The following RGS6 variants were observed in gnomAD, a reference collection of about 807,000 sequenced individuals.
RGS6 encodes regulator of G-protein signaling 6.
Under a neutral mutation model 78.5 loss-of-function variants are expected in RGS6, and 30 were observed. The ratio of observed to expected loss-of-function variants is 0.38; its 90% CI spans 0.29 to 0.52. The LOEUF (loss-of-function observed/expected upper bound fraction) is 0.52, where lower values mean the gene tolerates loss of function less well. Among genes scored for constraint, RGS6 ranks in the 20% least tolerant of loss-of-function variants. The probability of loss-of-function intolerance (pLI) is 0.85; values close to 1 mark genes in which losing one functional copy is unlikely to be tolerated. For missense variants in RGS6, 495 were observed against 609.7 expected (o/e 0.81, Z 1.98); for synonymous variants, 206 against 206.0 (o/e 1.00, Z 0.00).
chr14:72,124,078 G>A (rs2096125672), intron 2 of RGS6, among the ~76,000 whole-genome samples: 1 of 152,202 alleles, frequency 6.6e-6, no homozygotes, highest in Non-Finnish European at 1.5e-5. Context: ...ATCTGAAATG[G>A]AAGGTAGGTG....
At chr14:72,304,767 C>G (rs1169813687) in intron 2 of RGS6, among the ~76,000 whole-genome samples, 1 of 152,000 alleles carries the variant, frequency 6.6e-6, no homozygotes, top group African/African-American at 2.4e-5. Flanking sequence ...TGGTCCCAGG[C>G]TACTCGGGAG....
At chr14:72,146,101 C>T (rs2096603628) in intron 2 of RGS6, among the ~76,000 whole-genome samples, 1 of 152,076 alleles carries the variant, frequency 6.6e-6, no homozygotes, top group Non-Finnish European at 1.5e-5. Flanking sequence ...TGGTGGAGGG[C>T]AGGAAAGCAA....
chr14:72,252,714 G>C (rs2056107020), intron 2 of RGS6, among the ~76,000 whole-genome samples: 1 of 152,180 alleles, frequency 6.6e-6, no homozygotes, highest in African/African-American at 2.4e-5. Context: ...TAGGGCAATA[G>C]TCATGATGGG....
chr14:71,995,802 C>T (rs1413704857), intron 2 of RGS6, among the ~76,000 whole-genome samples: 2 of 152,182 alleles, frequency 1.3e-5, no homozygotes, highest in East Asian at 1.9e-4. Flanking sequence ...ACTCTCCATC[C>T]CCCACCAGCT....
At chr14:72,554,902 C>G (rs1057300222) in intron 17 of RGS6, among the ~76,000 whole-genome samples, 3 of 152,240 alleles carry the variant, frequency 2.0e-5, no homozygotes, top group Non-Finnish European at 4.4e-5. Context: ...GTCCTTGTCT[C>G]TCCCACCATC....
chr14:72,394,331 T>A (rs922985550), intron 3 of RGS6, among the ~76,000 whole-genome samples: 1 of 152,042 alleles, frequency 6.6e-6, no homozygotes, highest in Non-Finnish European at 1.5e-5. Context: ...GTCACAGAGA[T>A]CACATGCTTC....
intron 1 of RGS6, among the ~76,000 whole-genome samples, chr14:71,949,261 C>A (rs1001575511): frequency 1.3e-5 from 2 of 152,264 alleles, no homozygotes; most frequent in South Asian, 4.2e-4. Context: ...TCTTAAGTGG[C>A]TGCACCAATT....
At chr14:72,437,275 G>A (rs1416238021) in intron 3 of RGS6, among the ~76,000 whole-genome samples, 1 of 149,788 alleles carries the variant, frequency 6.7e-6, no homozygotes, top group Non-Finnish European at 1.5e-5. Context: ...CAGGAGGCGG[G>A]GGTTGCAGTG....
At chr14:72,195,488 C>T (rs2039868100) in intron 2 of RGS6, among the ~76,000 whole-genome samples, 1 of 152,022 alleles carries the variant, frequency 6.6e-6, no homozygotes, top group Non-Finnish European at 1.5e-5. Flanking sequence ...AAAAGAGGGC[C>T]CAGGGCCAGG....
rs963762981 is a variant in RGS6, at chr14:72,130,313, A to G, written c.84+165438A>G. Among the ~76,000 whole-genome samples, 5 of 152,318 alleles carry G rather than the reference A, an allele frequency of 3.3e-5. No individual in the cohort carries two copies. In the Middle Eastern group the frequency reaches 0.014, roughly 414 times the overall value. Reference sequence around the variant, plus strand: ...GAAAGTTCCTGAACCCCATTGTTCAAGAGTGAACAATGCAGGCTTCATTGC... The same window carrying G: ...GAAAGTTCCTGAACCCCATTGTTCAGGAGTGAACAATGCAGGCTTCATTGC... On this transcript the variant is annotated intron_variant, in intron 2 of 17. Transcript: ENST00000553525.
chr14:72,235,640 A>T (rs1213844660), intron 2 of RGS6, among the ~76,000 whole-genome samples: 1 of 152,224 alleles, frequency 6.6e-6, no homozygotes, highest in South Asian at 2.1e-4. Context: ...TCTAAGAGAA[A>T]ATAAGTTGCT....
chr14:71,896,924 G>T, the RGS6 span, among the ~76,000 whole-genome samples: 1 of 152,174 alleles, frequency 6.6e-6, no homozygotes, highest in Non-Finnish European at 1.5e-5. Context: ...ATCAGAAAGA[G>T]GCTATCTTCT....
chr14:72,503,697 A>G (rs2096759871), intron 13 of RGS6, among the ~76,000 whole-genome samples: 1 of 152,258 alleles, frequency 6.6e-6, no homozygotes, highest in Admixed American at 6.5e-5. Context: ...CTTTGGCTCA[A>G]TGCTCTGTCT....
At chr14:72,134,257 C>T (rs1051606531) in intron 2 of RGS6, among the ~76,000 whole-genome samples, 1 of 152,110 alleles carries the variant, frequency 6.6e-6, no homozygotes, top group African/African-American at 2.4e-5. Flanking sequence ...AGAGGTATTC[C>T]TATATACACA....
chr14:71,943,595 G>A (rs1484247903), intron 1 of RGS6, among the ~76,000 whole-genome samples: 1 of 152,180 alleles, frequency 6.6e-6, no homozygotes, highest in Non-Finnish European at 1.5e-5. Flanking sequence ...CTAAGTGGGA[G>A]AAGGCAGCGT....
intron 3 of RGS6, among the ~76,000 whole-genome samples, chr14:72,380,441 A>G (rs996456346): frequency 1.3e-5 from 2 of 151,108 alleles, no homozygotes; most frequent in African/African-American, 4.9e-5. Flanking sequence ...TATCCAGAAT[A>G]TGCAAGGAAC....
At chr14:72,558,441 T>C (rs2097617980) in intron 17 of RGS6, among the ~76,000 whole-genome samples, 2 of 152,194 alleles carry the variant, frequency 1.3e-5, no homozygotes, top group Non-Finnish European at 2.9e-5. Context: ...CCCAGGTAAG[T>C]AAGTGGCAAA....
At chr14:72,579,045 C>T in the RGS6 span, among the ~76,000 whole-genome samples, 1 of 152,200 alleles carries the variant, frequency 6.6e-6, no homozygotes, top group East Asian at 1.9e-4. Flanking sequence ...ATGCTCCTGT[C>T]TCACCTCTAG....
At chr14:72,440,960 A>G (rs111461497) in intron 3 of RGS6, among the ~76,000 whole-genome samples, 1 of 115,098 alleles carries the variant, frequency 8.7e-6, no homozygotes, top group African/African-American at 2.9e-5. Flanking sequence ...CATGAGTTGT[A>G]TGTGTGTTGC....
Sources: allele counts gnomAD v4.1 joint callset (sites outside exome capture counted in the v4.1 genomes callset), GRCh38; gene constraint gnomAD v4.1.1; transcripts MANE v1.5; gene names NCBI Gene and HGNC (gene_info 2026-07-23, HGNC 2026-07-21).